The following MIB1 variants were observed in gnomAD, a reference collection of about 807,000 sequenced individuals.
The protein encoded by MIB1 is E3 ubiquitin-protein ligase MIB1.
MIB1 carries 278 observed loss-of-function variants against 124.5 expected under a neutral mutation model. That is an observed-to-expected ratio of 2.23 (90% CI 2.02 to 2.47). MIB1 has a LOEUF of 2.47. Among genes scored for constraint, MIB1 ranks in the 30% most tolerant of loss-of-function variants. The pLI, the probability that MIB1 is intolerant of heterozygous loss-of-function variation, is 0.00. For synonymous variants in MIB1, 446 were observed against 429.4 expected, an observed-to-expected ratio of 1.04 and a Z score of -0.48; for missense variants, 957 against 1,254.4, an observed-to-expected ratio of 0.76 and a Z score of 3.58.
At chr18:21,782,899 G>T (rs562243282) in intron 6 of MIB1, among the ~76,000 whole-genome samples, 3 of 152,188 alleles carry the variant, frequency 2.0e-5, no homozygotes, top group African/African-American at 7.2e-5. Context: ...TAAAGATATT[G>T]CAGTGTATCT....
chr18:21,727,755 A>G (rs1343179741), intron 1 of MIB1, among the ~76,000 whole-genome samples: 2 of 152,054 alleles, frequency 1.3e-5, no homozygotes, highest in Non-Finnish European at 2.9e-5. Flanking sequence ...CTCTGTCTCA[A>G]AAAACAAATA....
intron 6 of MIB1, 90 bp from the exon 7 acceptor site, chr18:21,791,284 T>A: frequency 2.0e-6 from 2 of 979,940 alleles, no homozygotes; most frequent in South Asian, 3.8e-5. Context: ...TGCAAAGGAT[T>A]GCCTTACTCT....
In MIB1 at chr18:21,742,560, G is replaced by C. The variant is rs8086064; in HGVS notation, c.229+748G>C. On this transcript the variant is annotated intron_variant, in intron 1 of 20. Coordinates refer to ENST00000261537, the MANE Select transcript of MIB1 (RefSeq NM_020774.4). ...ATCTTACTCATTCACCCAGCAGTGA[G>C]TCAGGGTCCTTGATTAGTGAATCTT... 7.5e-3 allele frequency among the ~76,000 whole-genome samples: 1,141 copies of C among 152,058 alleles called. 12 individuals are homozygous for C. Among genetic ancestry groups the C allele is most frequent in the African/African-American group, 0.022 (897 of 41,544 alleles).
At chr18:21,857,749 C>G (rs774235596) in intron 19 of MIB1, among the ~76,000 whole-genome samples, 2 of 152,208 alleles carry the variant, frequency 1.3e-5, no homozygotes, top group Non-Finnish European at 2.9e-5. Flanking sequence ...ATGATTTACC[C>G]TCAACATTTT....
At chr18:21,778,377 C>T (rs1267806774) in intron 5 of MIB1, among the ~76,000 whole-genome samples, 1 of 151,982 alleles carries the variant, frequency 6.6e-6, no homozygotes, top group African/African-American at 2.4e-5. Context: ...AATTCATTGG[C>T]CATTTATGTC....
intron 12 of MIB1, among the ~76,000 whole-genome samples, chr18:21,836,077 C>A (rs1247777183): frequency 6.6e-6 from 1 of 151,258 alleles, no homozygotes; most frequent in Admixed American, 6.6e-5. Flanking sequence ...CATGGTGAAA[C>A]CCCGCCTCTA....
At chr18:21,721,171 T>TTTG in intron 1 of MIB1, among the ~76,000 whole-genome samples, 1 of 99,924 alleles carries the variant, frequency 1.0e-5, no homozygotes, top group African/African-American at 4.6e-5. Context: ...TTTTTTTTTT[T>TTTG]TTTTTTTTTT....
At chr18:21,777,850 G>A (rs2041309192) in intron 4 of MIB1, among the ~76,000 whole-genome samples, 1 of 152,182 alleles carries the variant, frequency 6.6e-6, no homozygotes. Flanking sequence ...GAGCCAACGT[G>A]TACAGCCAGA....
intron 12 of MIB1, chr18:21,827,395 G>A (rs748144408): frequency 5.3e-5 from 8 of 152,078 alleles, no homozygotes; most frequent in African/African-American, 1.7e-4. Context: ...ATAGCAAAGA[G>A]AGTCTTAGTT....
chr18:21,812,584 CAG>C (rs1305369473), intron 10 of MIB1: 2 of 152,054 alleles, frequency 1.3e-5, no homozygotes, highest in African/African-American at 2.4e-5. Context: ...TAGAGGGTCA[CAG>C]AGAGGAAGCA....
chr18:21,805,303 G>A (rs1320151252), intron 10 of MIB1, among the ~76,000 whole-genome samples: 4 of 152,038 alleles, frequency 2.6e-5, no homozygotes, highest in African/African-American at 2.4e-5. Context: ...GTGAGCCACC[G>A]CGCCTAAGAA....
intron 3 of MIB1, among the ~76,000 whole-genome samples, chr18:21,768,970 C>T (rs2041196147): frequency 6.6e-6 from 1 of 152,064 alleles, no homozygotes. Flanking sequence ...TTTACCTTCC[C>T]ACCTTCAGGT....
At chr18:21,719,696 A>G (rs907846511) in intron 1 of MIB1, among the ~76,000 whole-genome samples, 4 of 149,808 alleles carry the variant, frequency 2.7e-5, no homozygotes, top group Non-Finnish European at 4.4e-5. Flanking sequence ...TGACCTCATG[A>G]TCCGCCCTCC....
At chr18:21,835,920 G>C (rs1164520887) in intron 12 of MIB1, among the ~76,000 whole-genome samples, 2 of 150,726 alleles carry the variant, frequency 1.3e-5, no homozygotes, top group Non-Finnish European at 2.9e-5. Flanking sequence ...TATAATCTTA[G>C]AGTTGTCATA....
At chr18:21,848,764 T>C (rs1314887646) in intron 16 of MIB1, among the ~76,000 whole-genome samples, 1 of 152,184 alleles carries the variant, frequency 6.6e-6, no homozygotes, top group Non-Finnish European at 1.5e-5. Context: ...GCCCTATCTG[T>C]TGTGGACTCT....
intron 1 of MIB1, among the ~76,000 whole-genome samples, chr18:21,724,458 A>C (rs913146766): frequency 1.3e-5 from 2 of 151,272 alleles, no homozygotes; most frequent in Non-Finnish European, 2.9e-5. Context: ...TAATCCCAGC[A>C]CTTTGGGAGG....
At chr18:21,769,816 G>A (rs1277299932) in intron 3 of MIB1, among the ~76,000 whole-genome samples, 1 of 152,134 alleles carries the variant, frequency 6.6e-6, no homozygotes, top group Non-Finnish European at 1.5e-5. Context: ...TTCTGTATTG[G>A]CACTTTTTTG....
At chr18:21,770,278 G>C (rs1015820950) in intron 3 of MIB1, among the ~76,000 whole-genome samples, 1 of 152,150 alleles carries the variant, frequency 6.6e-6, no homozygotes, top group African/African-American at 2.4e-5. Context: ...CCAAGTGAGG[G>C]AACTTTATAA....
chr18:21,773,681 T>G lies in MIB1; in HGVS notation c.589T>G (p.Trp197Gly). 1.9e-6 allele frequency: 3 copies of G among 1,609,106 alleles called. No homozygotes were observed. Among genetic ancestry groups the G allele is most frequent in the East Asian group, 2.2e-5 (1 of 44,508 alleles). ...SSPHSAAYVLWDNGAKNLYRV... is the reference protein window; with the variant it reads ...SSPHSAAYVLGDNGAKNLYRV... ...CCCACATAGCGCAGCATATGTCCTCTGGGATAATGGTGCTAAGAACCTTTA... is the reference window on the plus strand; with the variant it reads ...CCCACATAGCGCAGCATATGTCCTCGGGGATAATGGTGCTAAGAACCTTTA... Residue 197 changes from tryptophan (W) to glycine (G), a missense_variant, in exon 4 of 21, where the codon TGG becomes GGG. Coordinates refer to ENST00000261537, the MANE Select transcript of MIB1 (RefSeq NM_020774.4).
Sources: gnomAD v4.1 joint callset for allele counts (sites outside exome capture counted in the v4.1 genomes callset) on GRCh38, gnomAD v4.1.1 for gene constraint, MANE v1.5 for transcripts, NCBI Gene and HGNC (gene_info 2026-07-23, HGNC 2026-07-21) for gene names.